CCDC33: variants seen among roughly 807,000 people sequenced by gnomAD.
CCDC33 encodes coiled-coil domain containing 33.
CCDC33 carries 94 observed loss-of-function variants against 91.9 expected under a neutral mutation model. The ratio of observed to expected loss-of-function variants is 1.02; its 90% CI spans 0.87 to 1.21. CCDC33 has a LOEUF of 1.21. CCDC33 is among the 50% of genes most tolerant of loss of function. The probability of loss-of-function intolerance (pLI) is 0.00; values close to 1 mark genes in which losing one functional copy is unlikely to be tolerated. For synonymous variants in CCDC33, 396 were observed against 374.5 expected (o/e 1.06, Z -0.66); for missense variants, 940 against 935.5 (o/e 1.00, Z -0.06).
intron 2 of CCDC33, among the ~76,000 whole-genome samples, chr15:74,249,492 A>T (rs904713564): frequency 1.1e-4 from 15 of 132,496 alleles, no homozygotes; most frequent in African/African-American, 4.6e-4. Context: ...CGTCTAAAAA[A>T]AATAATAAAA....
At chr15:74,289,236 A>G (rs1257476722) in intron 10 of CCDC33, among the ~76,000 whole-genome samples, 2 of 152,206 alleles carry the variant, frequency 1.3e-5, no homozygotes, top group East Asian at 3.9e-4. Flanking sequence ...TGAGAATGAA[A>G]TGGGGGAAGA....
chr15:74,335,122 T>G, intron 18 of CCDC33, 34 bp downstream of exon 18: 2 of 1,520,752 alleles, frequency 1.3e-6, no homozygotes, highest in South Asian at 2.2e-5. Context: ...TCCCAGGGGT[T>G]CAGGTGGTGG....
At chr15:74,260,555 C>A (rs2075994157) in intron 2 of CCDC33, among the ~76,000 whole-genome samples, 1 of 152,222 alleles carries the variant, frequency 6.6e-6, no homozygotes, top group Non-Finnish European at 1.5e-5. Flanking sequence ...GCTGAACATG[C>A]TTTCTTTCCA....
chr15:74,244,315 G>C lies in CCDC33; in HGVS notation c.185+167G>C, dbSNP rs2075449511. 6.6e-6 allele frequency among the ~76,000 whole-genome samples: 1 copy of C among 152,192 alleles called. No individual in the cohort carries two copies. Among genetic ancestry groups the C allele is most frequent in the African/African-American group, 2.4e-5 (1 of 41,444 alleles). ...ACCTGGCATCTCCGCTGCTGCATGG[G>C]AAGCTGCTCACCAGGGCTGGGGAAG... is the stretch of plus-strand genomic sequence containing the variant. On this transcript the variant is annotated intron_variant, in intron 2 of 18. Coordinates refer to ENST00000398814, the MANE Select transcript of CCDC33 (RefSeq NM_025055.5). This position sits in a 1 kb window ranked among gnomAD's most constrained non-coding sequence, Gnocchi z 4.2.
upstream of CCDC33, among the ~76,000 whole-genome samples, chr15:74,216,001 G>A (rs969097355): frequency 3.9e-5 from 6 of 152,354 alleles, no homozygotes; most frequent in Admixed American, 2.0e-4. Context: ...GATTCTGAGC[G>A]TGGGCCCTGC....
At chr15:74,209,338 G>C in intron 1 of CCDC33, 2 of 1,521,774 alleles carry the variant, frequency 1.3e-6, no homozygotes, top group Non-Finnish European at 1.8e-6. Context: ...CCTTAGAGAA[G>C]CTGAGGAACC....
intron 9 of CCDC33, 116 bp from the exon 10 acceptor site, chr15:74,281,662 C>T (rs758518455): frequency 4.6e-5 from 42 of 911,938 alleles, no homozygotes; most frequent in Non-Finnish European, 6.9e-5. Flanking sequence ...CTCCCTCCCA[C>T]CCTCCTGGGT....
intron 1 of CCDC33, chr15:74,209,138 C>T: frequency 4.6e-6 from 6 of 1,309,642 alleles, no homozygotes; most frequent in Non-Finnish European, 5.9e-6. Context: ...CCCACCCCAC[C>T]CCCATCTCCA....
At chr15:74,329,068 G>A (rs1317745403) in intron 11 of CCDC33, among the ~76,000 whole-genome samples, 3 of 152,118 alleles carry the variant, frequency 2.0e-5, no homozygotes, top group East Asian at 3.9e-4. Context: ...GTGCTGTTCA[G>A]ATTTAAGAAA....
At chr15:74,290,146 T>C (rs865846557) in intron 10 of CCDC33, among the ~76,000 whole-genome samples, 1 of 151,812 alleles carries the variant, frequency 6.6e-6, no homozygotes, top group Non-Finnish European at 1.5e-5. Context: ...CCAGCCAAGG[T>C]CATTCATTCA....
At chr15:74,304,754 G>A (rs1183078190) in intron 11 of CCDC33, among the ~76,000 whole-genome samples, 1 of 152,054 alleles carries the variant, frequency 6.6e-6, no homozygotes, top group East Asian at 1.9e-4. Flanking sequence ...AGCCAGTCCG[G>A]TGGGCCTGTC....
At chr15:74,235,643 C>A (rs1460708071), upstream of CCDC33, among the ~76,000 whole-genome samples, 1 of 152,118 alleles carries the variant, frequency 6.6e-6, no homozygotes, top group African/African-American at 2.4e-5. Context: ...TTCATTCTGC[C>A]ATCTCACCTC....
intron 11 of CCDC33, 49 bp downstream of exon 11, chr15:74,295,997 T>C: frequency 6.6e-7 from 1 of 1,508,866 alleles, no homozygotes. Flanking sequence ...GATGAGGCCA[T>C]GGGAAGGGGA....
At chr15:74,320,276 C>G (rs1219897254) in intron 11 of CCDC33, among the ~76,000 whole-genome samples, 1 of 152,138 alleles carries the variant, frequency 6.6e-6, no homozygotes, top group African/African-American at 2.4e-5. Flanking sequence ...TCCAAAGAGC[C>G]CAGCCCACAT....
chr15:74,231,903 A>G (rs2074983781), upstream of CCDC33, among the ~76,000 whole-genome samples: 1 of 152,122 alleles, frequency 6.6e-6, no homozygotes, highest in Non-Finnish European at 1.5e-5. Flanking sequence ...AATCCCAGCT[A>G]TTGGGGAGGC....
chr15:74,305,426 G>A (rs1432467616), intron 11 of CCDC33, among the ~76,000 whole-genome samples: 1 of 152,174 alleles, frequency 6.6e-6, no homozygotes, highest in Non-Finnish European at 1.5e-5. Context: ...CCTGGAGAGG[G>A]GAGGCTTCCA....
At chr15:74,284,835 G>A (rs150111902) in intron 10 of CCDC33, among the ~76,000 whole-genome samples, 90 of 152,348 alleles carry the variant, frequency 5.9e-4, no homozygotes, top group Middle Eastern at 6.8e-3. Context: ...CGCCTAAGGT[G>A]TTGCCTGCAA....
chr15:74,275,526 C>G (rs1232376026), intron 7 of CCDC33, among the ~76,000 whole-genome samples: 1 of 152,210 alleles, frequency 6.6e-6, no homozygotes, highest in Non-Finnish European at 1.5e-5. Flanking sequence ...ACATAGAATG[C>G]TGCCAGAATT....
chr15:74,233,109 A>G (rs1189047619), upstream of CCDC33, among the ~76,000 whole-genome samples: 1 of 152,108 alleles, frequency 6.6e-6, no homozygotes, highest in Non-Finnish European at 1.5e-5. Flanking sequence ...TTCATCCCGG[A>G]GGCCTTCCTC....
Sources: allele counts gnomAD v4.1 joint callset (sites outside exome capture counted in the v4.1 genomes callset), GRCh38; gene constraint gnomAD v4.1.1; non-coding constraint Gnocchi (gnomAD v3.1); transcripts MANE v1.5; gene names NCBI Gene and HGNC (gene_info 2026-07-23, HGNC 2026-07-21).